Variants in USH2A observed in about 807,000 individuals in gnomAD.
USH2A encodes usherin.
Under a neutral mutation model 538.9 loss-of-function variants are expected in USH2A, and 443 were observed. The observed-to-expected ratio is 0.82, with a 90% confidence interval of 0.76 to 0.89. The LOEUF is 0.89. Among genes scored for constraint, USH2A ranks in the 40% least tolerant of loss-of-function variants. The pLI is 0.00. For synonymous variants in USH2A, 2,413 were observed against 2,273.5 expected (o/e 1.06, Z -1.75); for missense variants, 6,633 against 6,324.8 (o/e 1.05, Z -1.65).
intron 16 of USH2A, among the ~76,000 whole-genome samples, chr1:216,205,740 C>G (rs2035098147): frequency 6.6e-6 from 1 of 152,070 alleles, no homozygotes; most frequent in Non-Finnish European, 1.5e-5. Context: ...AAAATAGAAA[C>G]TTGAATTGGA....
intron 13 of USH2A, among the ~76,000 whole-genome samples, chr1:216,238,022 G>A (rs763464655): frequency 5.9e-5 from 9 of 152,116 alleles, no homozygotes; most frequent in Admixed American, 1.3e-4. Context: ...GATTTTTAAT[G>A]GAACATCAGC....
chr1:215,756,915 AAAAT>A (rs1320932695), intron 58 of USH2A, among the ~76,000 whole-genome samples: 7 of 132,600 alleles, frequency 5.3e-5, no homozygotes, highest in African/African-American at 2.0e-4. Flanking sequence ...ACCCGGTCTC[AAAAT>A]AAACAAACAA....
intron 11 of USH2A, among the ~76,000 whole-genome samples, chr1:216,269,570 A>G (rs2036537115): frequency 6.6e-6 from 1 of 152,118 alleles, no homozygotes; most frequent in Admixed American, 6.6e-5. Flanking sequence ...TAAGCTACAA[A>G]TATAATAATA....
At chr1:215,639,688 C>T (rs867728026) in intron 68 of USH2A, among the ~76,000 whole-genome samples, 2 of 152,118 alleles carry the variant, frequency 1.3e-5, no homozygotes, top group Non-Finnish European at 2.9e-5. Context: ...GGGAAGTGAC[C>T]CTTGCAAGGT....
chr1:216,205,672 A>C (rs2035096792), intron 16 of USH2A, among the ~76,000 whole-genome samples: 1 of 152,192 alleles, frequency 6.6e-6, no homozygotes. Flanking sequence ...ACAGTTCTCC[A>C]ACTAATTAAG....
At chr1:216,172,872 C>T (rs1466246940) in intron 21 of USH2A, among the ~76,000 whole-genome samples, 1 of 152,106 alleles carries the variant, frequency 6.6e-6, no homozygotes, top group Non-Finnish European at 1.5e-5. Context: ...TGTATACTTC[C>T]TATTCTATCA....
chr1:215,626,417 A>T lies in USH2A; in HGVS notation c.15520-547T>A, dbSNP rs191004853. Among the ~76,000 whole-genome samples the T allele has an allele frequency of 5.3e-5, 8 of 151,912 alleles. No homozygotes were observed. The East Asian group carries it at 7.8e-4, about 15-fold the overall frequency. On this transcript the variant is annotated intron_variant, in intron 71 of 71. Transcript: ENST00000307340. ...GACCTCTGGTGATCTGTATATATACATATATATACACACATATATATGGAT... is the reference window on the plus strand; with the variant it reads ...GACCTCTGGTGATCTGTATATATACTTATATATACACACATATATATGGAT...
At chr1:215,893,431 A>G (rs1158220700) in intron 40 of USH2A, among the ~76,000 whole-genome samples, 1 of 151,978 alleles carries the variant, frequency 6.6e-6, no homozygotes, top group Non-Finnish European at 1.5e-5. Flanking sequence ...GTCCACTGAG[A>G]GTTTTCAAAT....
chr1:216,045,538 G>C (rs185862999), intron 32 of USH2A, among the ~76,000 whole-genome samples: 9 of 152,244 alleles, frequency 5.9e-5, no homozygotes, highest in Admixed American at 3.9e-4. Context: ...AGTAATTACT[G>C]TCAATGGCAA....
chr1:216,028,398 G>GAATA (rs139586999), intron 32 of USH2A, among the ~76,000 whole-genome samples: 5,672 of 150,456 alleles, frequency 0.038, 324 homozygotes, highest in African/African-American at 0.12. Context: ...ATAAATAAAT[G>GAATA]AATAAATAAA....
intron 14 of USH2A, among the ~76,000 whole-genome samples, chr1:216,221,108 A>G (rs2035450866): frequency 6.6e-6 from 1 of 152,168 alleles, no homozygotes; most frequent in African/African-American, 2.4e-5. Flanking sequence ...ATTAATAGTG[A>G]ATAAAGCACC....
chr1:215,985,278 T>C (rs981734197), intron 35 of USH2A, among the ~76,000 whole-genome samples: 2 of 152,224 alleles, frequency 1.3e-5, no homozygotes, highest in African/African-American at 2.4e-5. Flanking sequence ...ACAGATCTTA[T>C]GAATTTTAAA....
chr1:215,722,963 T>C (rs1402865037), intron 61 of USH2A, among the ~76,000 whole-genome samples: 3 of 152,152 alleles, frequency 2.0e-5, no homozygotes, highest in African/African-American at 7.2e-5. Flanking sequence ...GGTAGCAATA[T>C]CGCCAACCTT....
At chr1:216,089,331 C>T (rs1365788451) in intron 22 of USH2A, among the ~76,000 whole-genome samples, 192 bp from the exon 23 acceptor site, 1 of 152,056 alleles carries the variant, frequency 6.6e-6, no homozygotes, top group Non-Finnish European at 1.5e-5. Flanking sequence ...TGTATTAATA[C>T]TTCCCTGTGC....
At chr1:215,863,880 G>A (rs1664396548) in intron 44 of USH2A, among the ~76,000 whole-genome samples, 2 of 152,144 alleles carry the variant, frequency 1.3e-5, no homozygotes, top group South Asian at 4.1e-4. Context: ...AGCAAGACCA[G>A]GAGGATTATA....
At chr1:216,132,555 T>C (rs1236487296) in intron 21 of USH2A, among the ~76,000 whole-genome samples, 1 of 152,118 alleles carries the variant, frequency 6.6e-6, no homozygotes, top group Non-Finnish European at 1.5e-5. Flanking sequence ...CCCACTCTTC[T>C]AACTCTCTCA....
intron 30 of USH2A, among the ~76,000 whole-genome samples, chr1:216,050,587 T>TCCCTTCCCTTCCCTTCCCTTCCCTTCC (rs370105461): frequency 2.7e-5 from 1 of 36,586 alleles, no homozygotes; most frequent in African/African-American, 7.4e-5. Flanking sequence ...TTTCTTTCTT[T>TCCCTTCCCTTCCCTTCCCTTCCCTTCC]CTTTCTTTCT....
At chr1:216,384,803 A>C (rs1028611887) in intron 3 of USH2A, among the ~76,000 whole-genome samples, 6 of 152,222 alleles carry the variant, frequency 3.9e-5, no homozygotes. Context: ...AAATGGTTAA[A>C]AGACTACTAA....
At chr1:216,398,060 G>A (rs2039244643) in intron 3 of USH2A, among the ~76,000 whole-genome samples, 2 of 152,164 alleles carry the variant, frequency 1.3e-5, no homozygotes, top group South Asian at 4.1e-4. Flanking sequence ...ACTTTACAAA[G>A]AGTTTTCCTT....
Sources: gnomAD v4.1 joint callset for allele counts (sites outside exome capture counted in the v4.1 genomes callset) on GRCh38, gnomAD v4.1.1 for gene constraint, MANE v1.5 for transcripts, NCBI Gene and HGNC (gene_info 2026-07-23, HGNC 2026-07-21) for gene names.